EEFSEC: variants seen among roughly 807,000 people sequenced by gnomAD.
The protein encoded by EEFSEC is selenocysteine-specific elongation factor.
A neutral mutation model predicts 42.1 loss-of-function variants in EEFSEC; 43 were observed. The observed-to-expected ratio is 1.02, with a 90% confidence interval of 0.80 to 1.32. The LOEUF is 1.32. Ranked by LOEUF, EEFSEC falls within the 40% of genes most tolerant of loss-of-function variation. The pLI, the probability that EEFSEC is intolerant of heterozygous loss-of-function variation, is 0.00. For synonymous variants in EEFSEC, 354 were observed against 339.1 expected (o/e 1.04, Z -0.48); for missense variants, 745 against 803.6 (o/e 0.93, Z 0.88).
chr3:128,409,499 G>A (rs377696336), downstream of EEFSEC, among the ~76,000 whole-genome samples: 16 of 152,170 alleles, frequency 1.1e-4, no homozygotes, highest in East Asian at 9.6e-4. Context: ...GCCACCCTTC[G>A]TCAACCTTGG....
intron 6 of EEFSEC, among the ~76,000 whole-genome samples, chr3:128,383,899 A>T (rs1479157626): frequency 2.0e-5 from 3 of 152,262 alleles, no homozygotes; most frequent in African/African-American, 7.2e-5. Flanking sequence ...ACGCCAGCCC[A>T]CTGTGGCAGG....
intron 6 of EEFSEC, among the ~76,000 whole-genome samples, chr3:128,387,637 CGAA>C (rs1437477247): frequency 6.6e-6 from 1 of 152,096 alleles, no homozygotes; most frequent in African/African-American, 2.4e-5. Flanking sequence ...TGGACTGGCA[CGAA>C]GAAGGATCTT....
At chr3:128,316,436 C>A (rs920120697) in intron 4 of EEFSEC, among the ~76,000 whole-genome samples, 1 of 152,200 alleles carries the variant, frequency 6.6e-6, no homozygotes, top group South Asian at 2.1e-4. Flanking sequence ...CCGCTCTCCC[C>A]CTCTCTTCAC....
intron 1 of EEFSEC, among the ~76,000 whole-genome samples, chr3:128,208,707 GT>G (rs2065725564): frequency 6.6e-6 from 1 of 152,200 alleles, no homozygotes; most frequent in Non-Finnish European, 1.5e-5. Flanking sequence ...TAGGAGCTAT[GT>G]TTTATGAAAA....
intron 1 of EEFSEC, among the ~76,000 whole-genome samples, chr3:128,176,753 C>G (rs920842743): frequency 2.6e-5 from 4 of 152,120 alleles, no homozygotes; most frequent in African/African-American, 7.2e-5. Context: ...AGATTACCTT[C>G]TCTGGGCCTC....
intron 1 of EEFSEC, among the ~76,000 whole-genome samples, chr3:128,207,250 C>G (rs200983793): frequency 1.5e-5 from 2 of 132,358 alleles, no homozygotes; most frequent in East Asian, 5.4e-4. Context: ...TTTCCCTCCC[C>G]CCTCCCTCCA....
chr3:128,347,761 T>C (rs899595312), intron 5 of EEFSEC, among the ~76,000 whole-genome samples: 9 of 152,150 alleles, frequency 5.9e-5, no homozygotes, highest in Non-Finnish European at 1.0e-4. Context: ...GTTATAAACT[T>C]GTACATACCA....
chr3:128,209,642 A>C (rs1396166092), intron 1 of EEFSEC, among the ~76,000 whole-genome samples: 1 of 152,260 alleles, frequency 6.6e-6, no homozygotes, highest in African/African-American at 2.4e-5. Flanking sequence ...CACTAAGGCA[A>C]GTGAAAAACC....
chr3:128,191,916 T>C (rs1485577571), intron 1 of EEFSEC, among the ~76,000 whole-genome samples: 1 of 152,184 alleles, frequency 6.6e-6, no homozygotes, highest in Non-Finnish European at 1.5e-5. Context: ...GCTTCTTGAA[T>C]ATTGGTGTCT....
chr3:128,176,312 AAGTAATCAG>A lies in EEFSEC; in HGVS notation c.316+22494_316+22502del, dbSNP rs375101573. Among the ~76,000 whole-genome samples, 250 of 152,100 alleles carry A rather than the reference AAGTAATCAG, an allele frequency of 1.6e-3. 2 individuals carry two copies. The highest frequency in any genetic ancestry group is 5.9e-3 in the African/African-American group (244 of 41,470). On this transcript the variant is annotated intron_variant, in intron 1 of 6. Coordinates refer to ENST00000254730, the MANE Select transcript of EEFSEC (RefSeq NM_021937.5). Reference sequence around the variant, plus strand: ...GAGAGAAACTAAATTAATATACTTGAAGTAATCAGAGTATGGGAGCTTAACTGCGTTGAT... The same window carrying A: ...GAGAGAAACTAAATTAATATACTTGAAGTATGGGAGCTTAACTGCGTTGAT...
At chr3:128,275,267 T>C (rs1028093942) in intron 4 of EEFSEC, among the ~76,000 whole-genome samples, 1 of 152,194 alleles carries the variant, frequency 6.6e-6, no homozygotes, top group Non-Finnish European at 1.5e-5. Flanking sequence ...CAATTGACAG[T>C]GCCAGGTTGT....
chr3:128,170,027 T>C (rs948896698), intron 1 of EEFSEC, among the ~76,000 whole-genome samples: 1 of 152,174 alleles, frequency 6.6e-6, no homozygotes, highest in African/African-American at 2.4e-5. Flanking sequence ...TTGGTCAGTC[T>C]TGATCTGTGC....
chr3:128,384,778 G>C (rs2067819101), intron 6 of EEFSEC, among the ~76,000 whole-genome samples: 1 of 152,208 alleles, frequency 6.6e-6, no homozygotes, highest in African/African-American at 2.4e-5. Flanking sequence ...CTAGTGCACA[G>C]GGGTTTCCTC....
intron 6 of EEFSEC, among the ~76,000 whole-genome samples, chr3:128,384,515 G>A (rs1039852417): frequency 4.6e-5 from 7 of 152,184 alleles, no homozygotes; most frequent in Non-Finnish European, 1.0e-4. Flanking sequence ...AGCTTGTGGG[G>A]GCCTTACCAA....
intron 4 of EEFSEC, among the ~76,000 whole-genome samples, chr3:128,320,542 A>G (rs150650492): frequency 6.6e-6 from 1 of 152,360 alleles, no homozygotes; most frequent in African/African-American, 2.4e-5. Flanking sequence ...CGTAGCTAAT[A>G]TGAAGGATTT....
chr3:128,324,919 G>A (rs1262032854), intron 4 of EEFSEC, among the ~76,000 whole-genome samples: 1 of 152,230 alleles, frequency 6.6e-6, no homozygotes, highest in African/African-American at 2.4e-5. Context: ...TCCTGTTGCT[G>A]TTGCCAGACC....
intron 4 of EEFSEC, chr3:128,337,188 C>T (rs762051888): frequency 6.6e-6 from 1 of 152,224 alleles, no homozygotes; most frequent in Admixed American, 6.5e-5. Context: ...ACTGACCACC[C>T]CGTGTGGCAA....
chr3:128,356,769 C>A (rs1466439121), intron 5 of EEFSEC, among the ~76,000 whole-genome samples: 1 of 152,166 alleles, frequency 6.6e-6, no homozygotes, highest in Non-Finnish European at 1.5e-5. Context: ...CCATACACAG[C>A]CTGCAACATG....
At chr3:128,245,150 G>A (rs552689129) in intron 1 of EEFSEC, among the ~76,000 whole-genome samples, 25 of 152,210 alleles carry the variant, frequency 1.6e-4, no homozygotes, top group South Asian at 2.1e-4. Context: ...TGGGAAGGCT[G>A]TTTGGAGGAT....
Sources: allele counts gnomAD v4.1 joint callset (sites outside exome capture counted in the v4.1 genomes callset), GRCh38; gene constraint gnomAD v4.1.1; transcripts MANE v1.5; gene names NCBI Gene and HGNC (gene_info 2026-07-23, HGNC 2026-07-21).